Variants in ABLIM2 observed in about 807,000 individuals in gnomAD.
ABLIM2 encodes the protein actin-binding LIM protein 2.
Under a neutral mutation model 97.7 loss-of-function variants are expected in ABLIM2, and 53 were observed. The ratio of observed to expected loss-of-function variants is 0.54; its 90% CI spans 0.44 to 0.68. The LOEUF is 0.68. Ranked by LOEUF, ABLIM2 falls within the 30% of genes least tolerant of loss-of-function variation. The pLI, the probability that ABLIM2 is intolerant of heterozygous loss-of-function variation, is 0.00. For synonymous variants in ABLIM2, 361 were observed against 345.8 expected (o/e 1.04, Z -0.49); for missense variants, 835 against 867.2 (o/e 0.96, Z 0.47).
Position 8,113,435 on chromosome 4 carries a change from G to A in ABLIM2, c.11-6798C>T, listed in dbSNP as rs1013574069. Among the ~76,000 whole-genome samples the A allele has an allele frequency of 5.9e-5, 9 of 152,166 alleles. No individual in the cohort carries two copies. The East Asian group carries it at 1.2e-3, about 20-fold the overall frequency. On this transcript the variant is annotated intron_variant, in intron 1 of 20. Coordinates refer to ENST00000447017, the MANE Select transcript of ABLIM2 (RefSeq NM_001130083.2). The surrounding 1 kb of genome is among the most constrained non-coding windows in gnomAD (Gnocchi z 4.5). ...TGTTTATTTCCGATCTGTGCCCACG[G>A]ATCTATATTTAGTTCCACCCTTCTC...
rs532635468 is a variant in ABLIM2, at chr4:8,107,006, C to T, written c.11-369G>A. 7.1e-4 allele frequency among the ~76,000 whole-genome samples: 108 copies of T among 152,332 alleles called. 1 individual carries two copies. Among genetic ancestry groups the T allele is most frequent in the African/African-American group, 2.4e-3 (101 of 41,568 alleles). On this transcript the variant is annotated intron_variant, in intron 1 of 20. Coordinates refer to ENST00000447017, the MANE Select transcript of ABLIM2 (RefSeq NM_001130083.2). The stretch of plus-strand genomic sequence containing the variant: ...CAACCACTGCTGCCTTAACCTGGCA[C>T]GACCTTACCCTCAGGGGTCTCAGGG...
intron 6 of ABLIM2, among the ~76,000 whole-genome samples, chr4:8,063,590 A>C (rs897838783): frequency 6.6e-6 from 1 of 152,254 alleles, no homozygotes; most frequent in Admixed American, 6.5e-5. Flanking sequence ...GTTACAGTCC[A>C]GGAGCCTGGC....
chr4:8,026,689 G>C (rs781562919), intron 12 of ABLIM2, among the ~76,000 whole-genome samples: 167 of 152,374 alleles, frequency 1.1e-3, no homozygotes, highest in Non-Finnish European at 1.4e-3. Context: ...GCTGGGCTGT[G>C]TCACAAAATA....
In ABLIM2 at chr4:8,003,333, C is replaced by A. The variant is rs1758544093; in HGVS notation, c.1618+4726G>T. On this transcript the variant is annotated intron_variant, in intron 16 of 20. Transcript: ENST00000447017. The surrounding 1 kb of genome is among the most constrained non-coding windows in gnomAD (Gnocchi z 4.2). Reference sequence around the variant, plus strand: ...AGCCTGGTGCATCATAGAGGGCTGGCCGTCTCATGTCATTCGCTGAATGCT... The same window carrying A: ...AGCCTGGTGCATCATAGAGGGCTGGACGTCTCATGTCATTCGCTGAATGCT... Among the ~76,000 whole-genome samples the A allele has an allele frequency of 6.6e-6, 1 of 152,180 alleles. No homozygotes were observed. The highest frequency in any genetic ancestry group is 1.5e-5 in the Non-Finnish European group (1 of 68,034).
intron 20 of ABLIM2, among the ~76,000 whole-genome samples, chr4:7,976,927 A>G (rs1733910143): frequency 6.6e-6 from 1 of 152,122 alleles, no homozygotes. Flanking sequence ...ATACACACAT[A>G]CACACATATC....
rs900811389 is a variant in ABLIM2 at position 8,032,911 on chromosome 4, T to C, written c.1048-3135A>G. On this transcript the variant is annotated intron_variant, in intron 10 of 20. Transcript: ENST00000447017. This position sits in a 1 kb window ranked among gnomAD's most constrained non-coding sequence, Gnocchi z 4.3. ...GAAAGAGGCCCCCGGGGAAACTGAT[T>C]TCGTGCCAATGAGCCCAGAGCTTGT... Among the ~76,000 whole-genome samples the C allele has an allele frequency of 2.0e-4, 30 of 152,192 alleles. No individual in the cohort carries two copies. Among genetic ancestry groups the C allele is most frequent in the African/African-American group, 7.2e-4 (30 of 41,526 alleles).
At chr4:8,080,908 G>A in intron 4 of ABLIM2, 106 bp from the exon 5 acceptor site, 1 of 1,417,010 alleles carries the variant, frequency 7.1e-7, no homozygotes, top group Non-Finnish European at 9.5e-7. Context: ...AGCCGGGAGG[G>A]GCGGGACAGA....
At position 8,044,669 on chromosome 4, in the gene ABLIM2, G is replaced by GTCTCTC. The variant is rs1301449382; in HGVS notation, c.900+489_900+494dup. Among the ~76,000 whole-genome samples the GTCTCTC allele has an allele frequency of 1.4e-5, 1 of 72,808 alleles. No homozygotes were observed. The highest frequency in any genetic ancestry group is 4.7e-5 in the African/African-American group (1 of 21,182). The allele number at this position is 72,808 out of a possible 152,430, so 47.8% of individuals were successfully genotyped here. A position where few individuals can be genotyped will look rare whatever the true frequency, so the allele number is the denominator to read the frequency against. On this transcript the variant is annotated intron_variant, in intron 9 of 20. Transcript: ENST00000447017. This position sits in a 1 kb window ranked among gnomAD's most constrained non-coding sequence, Gnocchi z 4.4. ...ACACACACACACACACACACACAGAGTCTCTCTCTCTCTCTCTCTCTCGAA... is the reference window on the plus strand; with the variant it reads ...ACACACACACACACACACACACAGAGTCTCTCTCTCTCTCTCTCTCTCTCTCTCGAA...
At chr4:7,997,607 T>C (rs1280558197) in intron 16 of ABLIM2, among the ~76,000 whole-genome samples, 1 of 152,150 alleles carries the variant, frequency 6.6e-6, no homozygotes, top group Non-Finnish European at 1.5e-5. Flanking sequence ...TCATATAGCT[T>C]ATATTTCTTT....
At chr4:8,100,683 T>C (rs533240260) in intron 2 of ABLIM2, among the ~76,000 whole-genome samples, 107 of 146,314 alleles carry the variant, frequency 7.3e-4, no homozygotes, top group African/African-American at 2.7e-3. Context: ...AAGGCGGAGA[T>C]TGCGGTGAGC....
chr4:8,020,501 CCT>C (rs778123773), intron 12 of ABLIM2, 198 bp from the exon 13 acceptor site: 8 of 666,114 alleles, frequency 1.2e-5, no homozygotes, highest in Non-Finnish European at 2.2e-5. Context: ...CTAATCCAAC[CCT>C]GAGTTGAAGT....
rs1361603956 is a variant in ABLIM2 at position 8,032,244 on chromosome 4, T to G, written c.1048-2468A>C. ...AGACCACTAACAGTAAAAGCTCTTT[T>G]GTAGAGAGACACGTCCAGTGTTTCT... is the stretch of plus-strand genomic sequence containing the variant. On this transcript the variant is annotated intron_variant, in intron 10 of 20. Transcript: ENST00000447017. The surrounding 1 kb of genome is among the most constrained non-coding windows in gnomAD (Gnocchi z 4.3). 6.6e-6 allele frequency among the ~76,000 whole-genome samples: 1 copy of G among 151,640 alleles called. No individual in the cohort carries two copies. The highest frequency in any genetic ancestry group is 1.5e-5 in the Non-Finnish European group (1 of 67,990).
chr4:8,109,477 C>A (rs1338587702), intron 1 of ABLIM2, among the ~76,000 whole-genome samples: 4 of 151,746 alleles, frequency 2.6e-5, no homozygotes. Context: ...CGAGTGACTG[C>A]ATCTCAGACA....
rs868821784 is a variant in ABLIM2, at chr4:8,044,728, C to A, written c.900+436G>T. Among the ~76,000 whole-genome samples the A allele has an allele frequency of 5.9e-4, 89 of 151,134 alleles. No homozygotes were observed. Among genetic ancestry groups the A allele is most frequent in the African/African-American group, 2.0e-3 (83 of 40,994 alleles). ...AACGGGATCACATAATTTACATCAC[C>A]CTTAACTTGCTTCTTTTAGGGAACA... is the stretch of plus-strand genomic sequence containing the variant. On this transcript the variant is annotated intron_variant, in intron 9 of 20. Coordinates refer to ENST00000447017, the MANE Select transcript of ABLIM2 (RefSeq NM_001130083.2). This position sits in a 1 kb window ranked among gnomAD's most constrained non-coding sequence, Gnocchi z 4.4.
In ABLIM2 at chr4:7,996,475, G is replaced by A. The variant is rs534425406; in HGVS notation, c.1619-3548C>T. Among the ~76,000 whole-genome samples the A allele has an allele frequency of 3.9e-5, 6 of 152,314 alleles. No individual in the cohort carries two copies. The highest frequency in any genetic ancestry group is 1.9e-4 in the East Asian group (1 of 5,182). On this transcript the variant is annotated intron_variant, in intron 16 of 20. Transcript: ENST00000447017. The surrounding 1 kb of genome is among the most constrained non-coding windows in gnomAD (Gnocchi z 4.5). Reference sequence around the variant, plus strand: ...ACATGCAGGTGGAAACCTTGCTTCCGCGAAGGCCATTTTATCCTCCCCACT... The same window carrying A: ...ACATGCAGGTGGAAACCTTGCTTCCACGAAGGCCATTTTATCCTCCCCACT...
intron 1 of ABLIM2, among the ~76,000 whole-genome samples, chr4:8,152,643 G>C (rs1229514618): frequency 6.6e-6 from 1 of 152,216 alleles, no homozygotes; most frequent in Non-Finnish European, 1.5e-5. Context: ...CTCTTTCGGG[G>C]CTTCCCCGGG....
In ABLIM2 at chr4:8,124,700, A is replaced by G. The variant is rs898651636; in HGVS notation, c.11-18063T>C. On this transcript the variant is annotated intron_variant, in intron 1 of 20. Coordinates refer to ENST00000447017, the MANE Select transcript of ABLIM2 (RefSeq NM_001130083.2). The surrounding 1 kb of genome is among the most constrained non-coding windows in gnomAD (Gnocchi z 6.1). ...TGTGTCTACTTTTTGGTGATTGTGA[A>G]TAACACGGCTATGAACATTCGAGTG... is the stretch of plus-strand genomic sequence containing the variant. Among the ~76,000 whole-genome samples the G allele has an allele frequency of 9.9e-5, 15 of 152,228 alleles. No homozygotes were observed. Among genetic ancestry groups the G allele is most frequent in the Non-Finnish European group, 2.1e-4 (14 of 68,044 alleles).
At chr4:8,051,677 T>C (rs77093551) in intron 8 of ABLIM2, among the ~76,000 whole-genome samples, 7,915 of 152,166 alleles carry the variant, frequency 0.052, 552 homozygotes, top group African/African-American at 0.16. Context: ...CAGGCACCGT[T>C]TGATATGCAA....
rs1176600530 is a variant in ABLIM2, at chr4:8,085,322, C to G, written c.454+2847G>C. Reference sequence around the variant, plus strand: ...TCCTACATTCTGGACTGACTTGACTCTACCCCACTCCACAACCATCTATTG... The same window carrying G: ...TCCTACATTCTGGACTGACTTGACTGTACCCCACTCCACAACCATCTATTG... On this transcript the variant is annotated intron_variant, in intron 4 of 20. Transcript: ENST00000447017. The surrounding 1 kb of genome is among the most constrained non-coding windows in gnomAD (Gnocchi z 6.1). Among the ~76,000 whole-genome samples the G allele has an allele frequency of 6.6e-6, 1 of 152,204 alleles. No homozygotes were observed. Among genetic ancestry groups the G allele is most frequent in the Non-Finnish European group, 1.5e-5 (1 of 68,038 alleles).
Sources: allele counts gnomAD v4.1 joint callset (sites outside exome capture counted in the v4.1 genomes callset), GRCh38; gene constraint gnomAD v4.1.1; non-coding constraint Gnocchi (gnomAD v3.1); transcripts MANE v1.5; gene names NCBI Gene and HGNC (gene_info 2026-07-23, HGNC 2026-07-21).